DNAI4: variants seen among roughly 807,000 people sequenced by gnomAD.
DNAI4 encodes WD repeat domain 78.
A neutral mutation model predicts 105.8 loss-of-function variants in DNAI4; 85 were observed. The observed-to-expected ratio is 0.80, with a 90% CI of 0.67 to 0.96. The LOEUF is 0.96. Among genes scored for constraint, DNAI4 ranks in the 40% least tolerant of loss-of-function variants. The pLI, the probability that DNAI4 is intolerant of heterozygous loss-of-function variation, is 0.00. For missense variants in DNAI4, 1,014 were observed against 1,005.6 expected, an observed-to-expected ratio of 1.01 and a Z score of -0.11; for synonymous variants, 352 against 331.5, an observed-to-expected ratio of 1.06 and a Z score of -0.67.
In DNAI4 at chr1:66,874,893, CTTT is replaced by C. The variant is rs1208358187; in HGVS notation, c.685_687del (p.Lys229del). 1 of 1,612,406 alleles carries C rather than the reference CTTT, an allele frequency of 6.2e-7. No individual in the cohort carries two copies. The highest frequency in any genetic ancestry group is 8.5e-7 in the Non-Finnish European group (1 of 1,179,486). Reference sequence around the variant, plus strand: ...ATCTCTATATTCTTCTCCAGGTCTTCTTTTGTTACAATTTTTTCAGGTGCTGCC... The same window carrying C: ...ATCTCTATATTCTTCTCCAGGTCTTCTGTTACAATTTTTTCAGGTGCTGCC... On this transcript the variant is annotated inframe_deletion, in exon 5 of 17. Coordinates refer to ENST00000371026, the MANE Select transcript of DNAI4 (RefSeq NM_024763.5).
At chr1:66,825,475 A>C (rs11208964) in intron 15 of DNAI4, among the ~76,000 whole-genome samples, 71,389 of 151,984 alleles carry the variant, frequency 0.47, 17,393 homozygotes, top group South Asian at 0.6. Context: ...GCCACCGCGC[A>C]CGGCCTAATA....
rs57056257 is a variant in DNAI4, at chr1:66,835,193, CAGATAGATAGAT to C, written c.1733+421_1733+432del. ...TCAAGGAACTTATACCCTCCTTAGA[CAGATAGATAGAT>C]AGATAGATAGATAGATAGATAGATA... On this transcript the variant is annotated intron_variant, in intron 11 of 16. Coordinates refer to ENST00000371026, the MANE Select transcript of DNAI4 (RefSeq NM_024763.5). 7.2e-3 allele frequency among the ~76,000 whole-genome samples: 977 copies of C among 136,202 alleles called. 3 individuals are homozygous for C. The highest frequency in any genetic ancestry group is 0.021 in the African/African-American group (797 of 38,404). The allele number at this position is 136,202 out of a possible 152,430, so 89.4% of individuals were successfully genotyped here.
Position 66,889,362 on chromosome 1 carries a change from A to G in DNAI4, c.643+1792T>C, listed in dbSNP as rs1647398154. Among the ~76,000 whole-genome samples, 3 of 152,176 alleles carry G rather than the reference A, an allele frequency of 2.0e-5. No individual in the cohort carries two copies. The South Asian group carries it at 6.2e-4, about 31-fold the overall frequency. On this transcript the variant is annotated intron_variant, in intron 4 of 16. Coordinates refer to ENST00000371026, the MANE Select transcript of DNAI4 (RefSeq NM_024763.5). ...CCTTTCTGTCTTTAATGTGGATAAA[A>G]TGCCCAGAGTGAGCTAGAGAAGATA... is the stretch of plus-strand genomic sequence containing the variant.
At chr1:66,880,803 G>C (rs191075039) in intron 4 of DNAI4, among the ~76,000 whole-genome samples, 15 of 152,300 alleles carry the variant, frequency 9.8e-5, no homozygotes, top group Admixed American at 9.8e-4. Flanking sequence ...AAGACAATGG[G>C]GAAAATGTCT....
intron 7 of DNAI4, among the ~76,000 whole-genome samples, chr1:66,857,057 G>A (rs569101): frequency 0.55 from 83,897 of 151,858 alleles, 24,114 homozygotes; most frequent in Non-Finnish European, 0.64. Flanking sequence ...AAATATCAGT[G>A]AAATTCATAA....
chr1:66,836,260 GAAAGAA>G (rs1557908798), intron 10 of DNAI4, among the ~76,000 whole-genome samples: 399 of 16,322 alleles, frequency 0.024, 8 homozygotes, highest in Middle Eastern at 0.11. Context: ...GAGAGAGAAA[GAAAGAA>G]AGAAAGAAAG....
intron 9 of DNAI4, among the ~76,000 whole-genome samples, chr1:66,838,588 C>G (rs1646079821): frequency 6.6e-6 from 1 of 152,198 alleles, no homozygotes; most frequent in African/African-American, 2.4e-5. Context: ...TAGGCAAAAG[C>G]TTAATAACTG....
At chr1:66,849,483 C>G (rs1646350792) in intron 7 of DNAI4, among the ~76,000 whole-genome samples, 2 of 152,130 alleles carry the variant, frequency 1.3e-5, no homozygotes, top group Non-Finnish European at 2.9e-5. Flanking sequence ...TCTTACAATA[C>G]CCCAAATGTC....
At chr1:66,907,932 G>A (rs1649381874) in intron 1 of DNAI4, among the ~76,000 whole-genome samples, 1 of 151,978 alleles carries the variant, frequency 6.6e-6, no homozygotes, top group African/African-American at 2.4e-5. Context: ...TGACCTTCAG[G>A]CCCTTGATTC....
chr1:66,829,537 T>C (rs1399360567), intron 13 of DNAI4, among the ~76,000 whole-genome samples: 2 of 152,174 alleles, frequency 1.3e-5, no homozygotes, highest in South Asian at 2.1e-4. Context: ...TAAATATATG[T>C]ATGTACCTAA....
At chr1:66,914,122 T>A (rs1256207369) in intron 1 of DNAI4, among the ~76,000 whole-genome samples, 4 of 150,572 alleles carry the variant, frequency 2.7e-5, no homozygotes, top group East Asian at 2.0e-4. Flanking sequence ...AAAATAAAAA[T>A]AAAAAAATAA....
intron 2 of DNAI4, among the ~76,000 whole-genome samples, chr1:66,903,279 T>C (rs1464040951): frequency 3.3e-5 from 5 of 152,164 alleles, no homozygotes; most frequent in African/African-American, 1.2e-4. Context: ...TCCCTAAGTA[T>C]TTCATTATTT....
chr1:66,824,231 A>G (rs1299706131), intron 15 of DNAI4, among the ~76,000 whole-genome samples: 9 of 142,280 alleles, frequency 6.3e-5, no homozygotes, highest in South Asian at 2.4e-4. Flanking sequence ...GATATGCGGC[A>G]TTATTTCTGA....
At chr1:66,879,215 C>T (rs1365293857) in intron 4 of DNAI4, among the ~76,000 whole-genome samples, 1 of 152,148 alleles carries the variant, frequency 6.6e-6, no homozygotes, top group African/African-American at 2.4e-5. Flanking sequence ...CTGCTACCGA[C>T]CATTGATTTG....
Position 66,911,557 on chromosome 1 carries a change from C to T in DNAI4, c.171-6182G>A, listed in dbSNP as rs181240061. 2.0e-5 allele frequency among the ~76,000 whole-genome samples: 3 copies of T among 152,298 alleles called. No individual in the cohort carries two copies. The East Asian group carries it at 5.8e-4, about 29-fold the overall frequency. On this transcript the variant is annotated intron_variant, in intron 1 of 16. Coordinates refer to ENST00000371026, the MANE Select transcript of DNAI4 (RefSeq NM_024763.5). Reference sequence around the variant, plus strand: ...CCATCCTCAAGCTACCTAGAAGGTACTAGTCATGGTCAACTCATTAGCATA... The same window carrying T: ...CCATCCTCAAGCTACCTAGAAGGTATTAGTCATGGTCAACTCATTAGCATA...
At chr1:66,872,437 C>T (rs2100663815) in intron 5 of DNAI4, among the ~76,000 whole-genome samples, 1 of 152,012 alleles carries the variant, frequency 6.6e-6, no homozygotes, top group East Asian at 1.9e-4. Context: ...CCATGTTGAC[C>T]AGGCTGCTCA....
chr1:66,871,537 A>G (rs552023699), intron 5 of DNAI4, 28 bp from the exon 6 acceptor site: 2 of 1,530,920 alleles, frequency 1.3e-6, no homozygotes, highest in South Asian at 1.3e-5. Flanking sequence ...TATCCAACTC[A>G]TTAATAAGAA....
intron 16 of DNAI4, 87 bp downstream of exon 16, chr1:66,822,274 T>G: frequency 8.2e-7 from 1 of 1,220,848 alleles, no homozygotes; most frequent in East Asian, 2.5e-5. Flanking sequence ...CCTAAGATAT[T>G]GAGAAATGTA....
intron 10 of DNAI4, among the ~76,000 whole-genome samples, chr1:66,836,162 A>G (rs888881334): frequency 6.4e-5 from 3 of 46,900 alleles, no homozygotes; most frequent in Admixed American, 2.3e-4. Context: ...GAAAGAAAGA[A>G]AGAAAGAAAG....
Sources: allele counts gnomAD v4.1 joint callset (sites outside exome capture counted in the v4.1 genomes callset), GRCh38; gene constraint gnomAD v4.1.1; transcripts MANE v1.5; gene names NCBI Gene and HGNC (gene_info 2026-07-23, HGNC 2026-07-21).